PIM3: variants seen among roughly 807,000 people sequenced by gnomAD.
PIM3 encodes serine/threonine-protein kinase pim-3.
Under a neutral mutation model 27.5 loss-of-function variants are expected in PIM3, and 13 were observed. The ratio of observed to expected loss-of-function variants is 0.47; its 90% CI spans 0.31 to 0.75. PIM3 has a LOEUF of 0.75. Among genes scored for constraint, PIM3 ranks in the 30% least tolerant of loss-of-function variants. PIM3 has a pLI of 0.05. For missense variants in PIM3, 482 were observed against 476.9 expected, an observed-to-expected ratio of 1.01 and a Z score of -0.10; for synonymous variants, 341 against 221.1, an observed-to-expected ratio of 1.54 and a Z score of -4.81.
chr22:49,961,065 G>A (rs2060903664), intron 1 of PIM3, 33 bp downstream of exon 1: 1 of 1,364,058 alleles, frequency 7.3e-7, no homozygotes, highest in East Asian at 3.3e-5. Context: ...CGGGGCCGGG[G>A]CCAGGGCGGG....
intron 4 of PIM3, among the ~76,000 whole-genome samples, chr22:49,962,066 G>GC (rs1358540046): frequency 2.6e-5 from 4 of 152,094 alleles, no homozygotes; most frequent in Non-Finnish European, 4.4e-5. Context: ...GGGGCCTCTT[G>GC]CCCCGGTGTG....
Position 49,962,730 on chromosome 22 carries a change from C to G in PIM3, c.658C>G (p.Arg220Gly). The change falls in exon 5 of 6, where the codon CGC becomes GGC. Residue 220 changes from arginine (R) to glycine (G), a missense_variant. Transcript: ENST00000360612. The part of the protein sequence containing the change: ...YSPPEWIRYH[R>G]YHGRSATVWS... ...CCCCCCGGAGTGGATCCGCTACCAC[C>G]GCTACCACGGGCGCTCGGCCACCGT... 1.2e-6 allele frequency: 2 copies of G among 1,612,688 alleles called. No individual in the cohort carries two copies. The highest frequency in any genetic ancestry group is 1.7e-6 in the Non-Finnish European group (2 of 1,179,894).
At chr22:49,961,086 G>T (rs2060903849) in intron 1 of PIM3, 39 bp from the exon 2 acceptor site, 30 of 1,387,308 alleles carry the variant, frequency 2.2e-5, no homozygotes, top group Non-Finnish European at 2.7e-5. Flanking sequence ...GACCGGGGGC[G>T]CCCCGGGCCG....
chr22:49,963,086 G>C lies in PIM3; in HGVS notation c.940G>C (p.Asp314His), dbSNP rs1349874704. 1.2e-6 allele frequency: 2 copies of C among 1,610,804 alleles called. No homozygotes were observed. Among genetic ancestry groups the C allele is most frequent in the Admixed American group, 3.3e-5 (2 of 59,780 alleles). Residue 314 changes from aspartate (D) to histidine (H), a missense_variant, in exon 6 of 6, where the codon GAT (aspartate) becomes CAT (histidine). Physicochemically the swap from Asp to His is moderately conservative, Grantham distance 81 (BLOSUM62 -1). Transcript: ENST00000360612. ...CCTGCGGCTGTGCACCCTCGACCCT[G>C]ATGACGTGGCCAGCACCACGTCCAG... The part of the protein sequence containing the change: ...CDLRLCTLDP[D>H]DVASTTSSSE...
chr22:49,963,010 G>C lies in PIM3; in HGVS notation c.864G>C (p.Ala288=). Residue 288 remains alanine, a synonymous_variant, in exon 6 of 6, where the codon GCG becomes GCC. Coordinates refer to ENST00000360612, the MANE Select transcript of PIM3 (RefSeq NM_001001852.4). Reference sequence around the variant, plus strand: ...AGCGGCCGTCGCTGGATCAGATTGCGGCCCATCCCTGGATGCTGGGGGCTG... The same window carrying C: ...AGCGGCCGTCGCTGGATCAGATTGCCGCCCATCCCTGGATGCTGGGGGCTG... ...PSERPSLDQI[A]AHPWMLGADG... 1 of 1,611,944 alleles carries C rather than the reference G, an allele frequency of 6.2e-7. No individual in the cohort carries two copies. Among genetic ancestry groups the C allele is most frequent in the Non-Finnish European group, 8.5e-7 (1 of 1,179,774 alleles).
chr22:49,961,304 C>G lies in PIM3; in HGVS notation c.196-14C>G. 6.5e-7 allele frequency: 1 copy of G among 1,544,088 alleles called. No homozygotes were observed. Among genetic ancestry groups the G allele is most frequent in the Non-Finnish European group, 8.7e-7 (1 of 1,150,220 alleles). On this transcript the variant is annotated splice_polypyrimidine_tract_variant and intron_variant, in intron 2 of 5. Coordinates refer to ENST00000360612, the MANE Select transcript of PIM3 (RefSeq NM_001001852.4). ...CGCCTCGCTTGGCCCGGCCTGACCCCCGCGTCTCCGCAGGTGGCTGTGAAG... is the reference window on the plus strand; with the variant it reads ...CGCCTCGCTTGGCCCGGCCTGACCCGCGCGTCTCCGCAGGTGGCTGTGAAG...
At position 49,962,792 on chromosome 22, in the gene PIM3, T is replaced by C; in HGVS notation, c.720T>C (p.Cys240=). ...GCGTGCTTCTCTACGATATGGTGTGTGGGGACATCCCCTTCGAGCAGGACG... is the reference window on the plus strand; with the variant it reads ...GCGTGCTTCTCTACGATATGGTGTGCGGGGACATCCCCTTCGAGCAGGACG... ...SLGVLLYDMV[C]GDIPFEQDEE... is the part of the protein sequence containing the mutation. Residue 240 remains cysteine (C), a synonymous_variant, in exon 5 of 6, where the codon TGT becomes TGC. Transcript: ENST00000360612. The C allele has an allele frequency of 6.2e-7, 1 of 1,612,692 alleles. No homozygotes were observed. Among genetic ancestry groups the C allele is most frequent in the East Asian group, 2.2e-5 (1 of 44,866 alleles).
At chr22:49,962,902 C>G in intron 5 of PIM3, 37 bp downstream of exon 5, 1 of 1,598,884 alleles carries the variant, frequency 6.3e-7, no homozygotes, top group Non-Finnish European at 8.5e-7. Context: ...GGGGCCTCGC[C>G]CTGCTTGGGC....
In PIM3 at chr22:49,963,330, C is replaced by T. The variant is rs1335591035; in HGVS notation, c.*203C>T. The stretch of plus-strand genomic sequence containing the variant: ...CTCAAGCTCTGTCTGTCCAAAGACG[C>T]TCCGGTCGAGGTCCCGCCTGCCCTG... On this transcript the variant is annotated 3_prime_UTR_variant, in exon 6 of 6. Transcript: ENST00000360612. The T allele has an allele frequency of 3.4e-6, 2 of 592,630 alleles. No homozygotes were observed. Among genetic ancestry groups the T allele is most frequent in the East Asian group, 6.4e-5 (2 of 31,404 alleles). The allele number at this position is 592,630 out of a possible 1,614,324, so 36.7% of individuals were successfully genotyped here.
At position 49,961,206 on chromosome 22, in the gene PIM3, C is replaced by A. The variant is rs1358923023; in HGVS notation, c.167C>A (p.Ala56Glu). 2.0e-6 allele frequency: 3 copies of A among 1,531,616 alleles called. No homozygotes were observed. The highest frequency in any genetic ancestry group is 2.6e-6 in the Non-Finnish European group (3 of 1,143,156). The allele number at this position is 1,531,616 out of a possible 1,614,324, so 94.9% of individuals were successfully genotyped here. A position where few individuals can be genotyped will look rare whatever the true frequency, so the allele number is the denominator to read the frequency against. Residue 56 changes from alanine to glutamate, a missense_variant, in exon 2 of 6, where the codon GCG becomes GAG. By Grantham distance (107) the Ala-to-Glu change is moderately radical (BLOSUM62 -1). Transcript: ENST00000360612. ...LGSGGFGTVY[A>E]GSRIADGLPV... ...AGCGGCGGCTTCGGCACGGTCTACG[C>A]GGGTAGCCGCATCGCCGACGGGCTC...
In PIM3 at chr22:49,960,957, T is replaced by G. The variant is rs1379920544; in HGVS notation, c.10T>G (p.Ser4Ala). 8 of 1,371,264 alleles carry G rather than the reference T, an allele frequency of 5.8e-6. No homozygotes were observed. The highest frequency in any genetic ancestry group is 7.6e-6 in the Non-Finnish European group (8 of 1,052,928). 84.9% of individuals were successfully genotyped at this position (1,371,264 alleles called of 1,614,324 possible). A position where few individuals can be genotyped will look rare whatever the true frequency, so the allele number is the denominator to read the frequency against. The part of the protein sequence containing the change: MLL[S>A]KFGSLAHLCG... The stretch of plus-strand genomic sequence containing the variant: ...GAGGCCGTCGCCCGCGATGCTGCTC[T>G]CCAAGTTCGGCTCCCTGGCGCACCT... Residue 4 changes from serine (S) to alanine (A), a missense_variant, in exon 1 of 6, where the codon TCC becomes GCC. Coordinates refer to ENST00000360612, the MANE Select transcript of PIM3 (RefSeq NM_001001852.4).
Position 49,962,781 on chromosome 22 carries a change from G to T in PIM3, c.709G>T (p.Asp237Tyr). The T allele has an allele frequency of 6.2e-7, 1 of 1,612,758 alleles. No individual in the cohort carries two copies. Among genetic ancestry groups the T allele is most frequent in the East Asian group, 2.2e-5 (1 of 44,880 alleles). ...GTGGTCGCTGGGCGTGCTTCTCTAC[G>T]ATATGGTGTGTGGGGACATCCCCTT... is the stretch of plus-strand genomic sequence containing the variant. Reference protein sequence around the residue: ...TVWSLGVLLYDMVCGDIPFEQ... With the variant: ...TVWSLGVLLYYMVCGDIPFEQ... Residue 237 changes from aspartate (D) to tyrosine (Y), a missense_variant, in exon 5 of 6, where the codon GAT (aspartate) becomes TAT (tyrosine). Physicochemically the swap from Asp to Tyr is radical, Grantham distance 160. Transcript: ENST00000360612.
chr22:49,962,333 T>TCCTCCCTCCCTCTCTCCCCTCCCC (rs2060912256), intron 4 of PIM3, among the ~76,000 whole-genome samples: 2 of 28,094 alleles, frequency 7.1e-5, no homozygotes, highest in African/African-American at 2.9e-4. Context: ...CGCCCCTCCC[T>TCCTCCCTCCCTCTCTCCCCTCCCC]CCTCCCTCCC....
rs772171761 is a variant in PIM3, at chr22:49,961,549, C to T, written c.354C>T (p.Gly118=). The change falls in exon 4 of 6, where the codon GGC becomes GGT. Residue 118 remains glycine (G), a synonymous_variant. Coordinates refer to ENST00000360612, the MANE Select transcript of PIM3 (RefSeq NM_001001852.4). ...TGGACTGGTTCGAGCGGCCCGACGG[C>T]TTCCTGCTGGTGCTGGAGCGGCCCG... The part of the protein sequence containing the change: ...RLLDWFERPD[G]FLLVLERPEP... 1.3e-6 allele frequency: 2 copies of T among 1,545,156 alleles called. No individual in the cohort carries two copies. Among genetic ancestry groups the T allele is most frequent in the Non-Finnish European group, 1.7e-6 (2 of 1,145,832 alleles).
chr22:49,961,606 G>C lies in PIM3; in HGVS notation c.411G>C (p.Thr137=), dbSNP rs964516587. 5 of 1,549,686 alleles carry C rather than the reference G, an allele frequency of 3.2e-6. No homozygotes were observed. The highest frequency in any genetic ancestry group is 2.4e-5 in the East Asian group (1 of 41,012). ...CGCAGGACCTCTTCGACTTTATCACGGAGCGCGGCGCCCTGGACGAGCCGC... is the reference window on the plus strand; with the variant it reads ...CGCAGGACCTCTTCGACTTTATCACCGAGCGCGGCGCCCTGGACGAGCCGC... The part of the protein sequence containing the change: ...EPAQDLFDFI[T]ERGALDEPLA... The change falls in exon 4 of 6, where the codon ACG becomes ACC. Residue 137 remains threonine, a synonymous_variant. Transcript: ENST00000360612.
In PIM3 at chr22:49,962,799, A is replaced by G. The variant is rs745505989; in HGVS notation, c.727A>G (p.Ile243Val). ...VLLYDMVCGD[I>V]PFEQDEEILR... ...TCTCTACGATATGGTGTGTGGGGAC[A>G]TCCCCTTCGAGCAGGACGAGGAGAT... Residue 243 changes from isoleucine to valine, a missense_variant, in exon 5 of 6, where the codon ATC (isoleucine) becomes GTC (valine). By Grantham distance (29) the Ile-to-Val change is conservative (BLOSUM62 3). Coordinates refer to ENST00000360612, the MANE Select transcript of PIM3 (RefSeq NM_001001852.4). 3 of 1,612,454 alleles carry G rather than the reference A, an allele frequency of 1.9e-6. No homozygotes were observed. The Admixed American group carries it at 5.0e-5, about 27-fold the overall frequency.
intron 1 of PIM3, 43 bp from the exon 2 acceptor site, chr22:49,961,082 G>A (rs765568933): frequency 2.8e-4 from 391 of 1,379,916 alleles, no homozygotes; most frequent in Non-Finnish European, 3.6e-4. Context: ...CGGGGACCGG[G>A]GGCGCCCCGG....
In PIM3 at chr22:49,963,155, G is replaced by T; in HGVS notation, c.*28G>T. 6.5e-7 allele frequency: 1 copy of T among 1,545,958 alleles called. No individual in the cohort carries two copies. Among genetic ancestry groups the T allele is most frequent in the Non-Finnish European group, 8.7e-7 (1 of 1,143,350 alleles). On this transcript the variant is annotated 3_prime_UTR_variant, in exon 6 of 6. Coordinates refer to ENST00000360612, the MANE Select transcript of PIM3 (RefSeq NM_001001852.4). The stretch of plus-strand genomic sequence containing the variant: ...AGCTGCACCTGACTGGGAGCTAGGG[G>T]ACCACCTGCCTTGGCCAGACCTGGG...
chr22:49,962,592 C>T, intron 4 of PIM3, 97 bp from the exon 5 acceptor site: 5 of 1,359,636 alleles, frequency 3.7e-6, no homozygotes, highest in East Asian at 2.4e-5. Context: ...GCTCTGCTTC[C>T]TGTTACTGAG....
Sources: gnomAD v4.1 joint callset for allele counts (sites outside exome capture counted in the v4.1 genomes callset) on GRCh38, gnomAD v4.1.1 for gene constraint, MANE v1.5 for transcripts, NCBI Gene and HGNC (gene_info 2026-07-23, HGNC 2026-07-21) for gene names.